The following METTL15 variants were observed in gnomAD, a reference collection of about 807,000 sequenced individuals.
METTL15 encodes methyltransferase 15, mitochondrial 12S rRNA N4-cytidine, also known as 12S rRNA N(4)-cytidine methyltransferase METTL15.
METTL15 carries 34 observed loss-of-function variants against 38.3 expected under a neutral mutation model. The observed-to-expected ratio is 0.89, with a 90% CI of 0.68 to 1.18. The LOEUF is 1.18. Ranked by LOEUF, METTL15 falls within the 50% of genes most tolerant of loss-of-function variation. The pLI is 0.00. For missense variants in METTL15, 438 were observed against 498.4 expected, an observed-to-expected ratio of 0.88 and a Z score of 1.15; for synonymous variants, 162 against 170.9, an observed-to-expected ratio of 0.95 and a Z score of 0.41.
chr11:28,192,077 T>C (rs976887504), intron 3 of METTL15, among the ~76,000 whole-genome samples: 1 of 151,818 alleles, frequency 6.6e-6, no homozygotes, highest in Non-Finnish European at 1.5e-5. Context: ...GTTTCTTTTG[T>C]GTCTATCTGT....
intron 6 of METTL15, among the ~76,000 whole-genome samples, chr11:28,498,769 C>A (rs530471491): frequency 2.1e-4 from 32 of 152,242 alleles, no homozygotes; most frequent in African/African-American, 7.2e-4. Flanking sequence ...CTTCATGATA[C>A]GGTAAGGTCC....
chr11:28,423,791 G>A (rs1019324892), intron 5 of METTL15, among the ~76,000 whole-genome samples: 3 of 151,958 alleles, frequency 2.0e-5, no homozygotes, highest in African/African-American at 7.2e-5. Context: ...CCTAGTATTT[G>A]ATAGCACAAC....
chr11:28,121,828 T>C lies in METTL15; in HGVS notation c.270+8224T>C, dbSNP rs1852250303. On this transcript the variant is annotated intron_variant, in intron 3 of 6. Transcript: ENST00000407364. ...GATTTTATGATAAGCTTTATGTTTA[T>C]TATATGCAATATTTTAAGAGTGGCA... Among the ~76,000 whole-genome samples, 3 of 152,180 alleles carry C rather than the reference T, an allele frequency of 2.0e-5. No individual in the cohort carries two copies. In the South Asian group the frequency reaches 6.2e-4, roughly 32 times the overall value.
chr11:28,335,976 G>C (rs1423921636), downstream of METTL15, among the ~76,000 whole-genome samples: 2 of 152,150 alleles, frequency 1.3e-5, no homozygotes, highest in African/African-American at 2.4e-5. Context: ...AACACTCACT[G>C]AGTACATAGT....
intron 6 of METTL15, among the ~76,000 whole-genome samples, chr11:28,323,239 A>G (rs1849529736): frequency 6.6e-6 from 1 of 151,678 alleles, no homozygotes; most frequent in African/African-American, 2.4e-5. Context: ...TATAACTTGG[A>G]AGTACAAATG....
intron 3 of METTL15, among the ~76,000 whole-genome samples, chr11:28,206,311 C>G (rs1852340922): frequency 6.6e-6 from 1 of 152,056 alleles, no homozygotes; most frequent in Non-Finnish European, 1.5e-5. Context: ...GATCCAGTTT[C>G]AGCTTTCTGC....
chr11:28,185,857 G>C (rs1205659720), intron 3 of METTL15, among the ~76,000 whole-genome samples: 2 of 149,704 alleles, frequency 1.3e-5, no homozygotes, highest in African/African-American at 4.9e-5. Context: ...TGGAGTTTCT[G>C]ATGTATTTGG....
intron 4 of METTL15, among the ~76,000 whole-genome samples, chr11:28,264,460 T>C (rs1231457497): frequency 1.3e-5 from 2 of 148,496 alleles, no homozygotes; most frequent in Non-Finnish European, 3.0e-5. Context: ...AAAATATGTT[T>C]GTTTGTTTGT....
At chr11:28,339,373 AT>A (rs1849929818) in intron 3 of METTL15, among the ~76,000 whole-genome samples, 1 of 152,030 alleles carries the variant, frequency 6.6e-6, no homozygotes, top group African/African-American at 2.4e-5. Flanking sequence ...GCTGAAAACT[AT>A]AAAAAATAAA....
At chr11:28,115,964 A>ACG (rs1378350147) in intron 3 of METTL15, among the ~76,000 whole-genome samples, 2 of 151,398 alleles carry the variant, frequency 1.3e-5, no homozygotes, top group Non-Finnish European at 3.0e-5. Flanking sequence ...ACACACACAC[A>ACG]CAACCCTACC....
chr11:28,208,500 T>A (rs1343464627), intron 3 of METTL15, among the ~76,000 whole-genome samples: 1 of 152,140 alleles, frequency 6.6e-6, no homozygotes, highest in Non-Finnish European at 1.5e-5. Flanking sequence ...TCTGTTCTTT[T>A]ACATTTGCTG....
At chr11:28,442,635 T>G (rs910842292) in intron 6 of METTL15, among the ~76,000 whole-genome samples, 2 of 152,332 alleles carry the variant, frequency 1.3e-5, no homozygotes, top group Middle Eastern at 3.4e-3. Flanking sequence ...GCCTGAACTG[T>G]TCAGTCTTGA....
chr11:28,365,326 T>A (rs1321508754), intron 5 of METTL15, among the ~76,000 whole-genome samples: 4 of 152,012 alleles, frequency 2.6e-5, no homozygotes, highest in African/African-American at 9.7e-5. Flanking sequence ...GATTGGTAGG[T>A]TTTTTAATAC....
intron 4 of METTL15, among the ~76,000 whole-genome samples, chr11:28,221,104 G>C (rs1853192754): frequency 6.6e-6 from 1 of 152,010 alleles, no homozygotes; most frequent in African/African-American, 2.4e-5. Context: ...TTGAATGTTG[G>C]CCTACCTTGC....
intron 6 of METTL15, among the ~76,000 whole-genome samples, chr11:28,427,450 T>C (rs1590370604): frequency 1.3e-5 from 2 of 152,294 alleles, no homozygotes; most frequent in East Asian, 1.9e-4. Flanking sequence ...ATTAAAATAG[T>C]TTTTTCCAAT....
chr11:28,355,911 A>G (rs924257206), intron 4 of METTL15, among the ~76,000 whole-genome samples: 3 of 152,134 alleles, frequency 2.0e-5, no homozygotes, highest in Admixed American at 1.3e-4. Flanking sequence ...TTTATCTTAT[A>G]CTATCTTTTT....
Position 28,339,197 on chromosome 11 carries a change from T to A in METTL15, c.*190-12893T>A, listed in dbSNP as rs532740891. Among the ~76,000 whole-genome samples, 29 of 152,168 alleles carry A rather than the reference T, an allele frequency of 1.9e-4. 1 individual carries two copies. In the East Asian group the frequency reaches 3.3e-3, roughly 17 times the overall value. ...TGGGGAAAAAGTTCTAGTTCTAAAA[T>A]AATTTCTGTAATTGTTCATATTTAT... is the stretch of plus-strand genomic sequence containing the variant. On this transcript the variant is annotated intron_variant and NMD_transcript_variant, in intron 3 of 7. Coordinates refer to the METTL15 transcript ENST00000532947.
chr11:28,468,630 G>A (rs1480753517), intron 6 of METTL15, among the ~76,000 whole-genome samples: 3 of 152,092 alleles, frequency 2.0e-5, no homozygotes, highest in Non-Finnish European at 2.9e-5. Context: ...ATTTCTCTAA[G>A]TGCCTCTAGT....
At chr11:28,272,763 G>T (rs1013399365) in intron 4 of METTL15, among the ~76,000 whole-genome samples, 6 of 152,052 alleles carry the variant, frequency 3.9e-5, no homozygotes, top group African/African-American at 1.4e-4. Flanking sequence ...GCTGAATCAG[G>T]TTCATCACAG....
Sources: allele counts gnomAD v4.1 joint callset (sites outside exome capture counted in the v4.1 genomes callset), GRCh38; gene constraint gnomAD v4.1.1; transcripts MANE v1.5; gene names NCBI Gene and HGNC (gene_info 2026-07-23, HGNC 2026-07-21).